NCOR1: variants seen among roughly 807,000 people sequenced by gnomAD.
NCOR1 encodes the protein protein phosphatase 1, regulatory subunit 109.
In NCOR1, 63 loss-of-function variants were observed where a neutral mutation model predicts 288.1. That is an observed-to-expected ratio of 0.22 (90% CI 0.18 to 0.27). The LOEUF (loss-of-function observed/expected upper bound fraction) is 0.27, where lower values mean the gene tolerates loss of function less well. Among genes scored for constraint, NCOR1 ranks in the 10% least tolerant of loss-of-function variants. NCOR1 has a pLI of 1.00. For synonymous variants in NCOR1, 1,007 were observed against 1,065.9 expected, an observed-to-expected ratio of 0.94 and a Z score of 1.08; for missense variants, 2,397 against 3,019.2, an observed-to-expected ratio of 0.79 and a Z score of 4.83.
chr17:16,044,866 C>G (rs2058397319), intron 42 of NCOR1: 1 of 793,430 alleles, frequency 1.3e-6, no homozygotes, highest in African/African-American at 1.7e-5. Flanking sequence ...CCTGCCCACT[C>G]CACTGCTGCT....
At chr17:16,138,001 T>C (rs1395755225) in intron 13 of NCOR1, 157 bp downstream of exon 13, 1 of 567,694 alleles carries the variant, frequency 1.8e-6, no homozygotes, top group African/African-American at 1.9e-5. Context: ...ACGATTTCTC[T>C]AATAATTGTA....
intron 27 of NCOR1, among the ~76,000 whole-genome samples, chr17:16,074,403 T>C (rs147054540): frequency 2.0e-5 from 3 of 152,248 alleles, no homozygotes; most frequent in African/African-American, 4.8e-5. Context: ...TTCTAGACAC[T>C]TTAGGAAAAT....
At chr17:16,173,950 A>G (rs915856091) in intron 3 of NCOR1, among the ~76,000 whole-genome samples, 1 of 152,082 alleles carries the variant, frequency 6.6e-6, no homozygotes, top group African/African-American at 2.4e-5. Context: ...AAAGCAATAC[A>G]TTTATAAGAG....
At chr17:16,094,397 CTTA>C (rs2065952697) in intron 21 of NCOR1, among the ~76,000 whole-genome samples, 1 of 152,132 alleles carries the variant, frequency 6.6e-6, no homozygotes, top group Non-Finnish European at 1.5e-5. Flanking sequence ...ACTTTTACCA[CTTA>C]TTATTTGAGA....
intron 19 of NCOR1, among the ~76,000 whole-genome samples, chr17:16,102,256 T>C (rs2067758220): frequency 1.3e-5 from 2 of 152,110 alleles, no homozygotes; most frequent in South Asian, 4.1e-4. Flanking sequence ...TAAGAAGAAA[T>C]TGGTCAAATA....
chr17:16,047,195 GCCT>G, intron 41 of NCOR1, 102 bp from the exon 42 acceptor site: 1 of 1,203,556 alleles, frequency 8.3e-7, no homozygotes, highest in South Asian at 1.6e-5. Context: ...GAAAACTACT[GCCT>G]CCTCATCCTG....
intron 4 of NCOR1, among the ~76,000 whole-genome samples, chr17:16,170,473 T>C (rs1330304961): frequency 1.3e-5 from 2 of 152,188 alleles, no homozygotes; most frequent in Admixed American, 6.5e-5. Flanking sequence ...AAATATTTAT[T>C]CTGTATCTAC....
intron 1 of NCOR1, among the ~76,000 whole-genome samples, chr17:16,213,369 T>C (rs1386992363): frequency 6.6e-6 from 1 of 151,030 alleles, no homozygotes; most frequent in African/African-American, 2.4e-5. Flanking sequence ...GGCACGCGCC[T>C]GTAGTCCCAG....
rs758848945 is a variant in NCOR1 at position 16,098,425 on chromosome 17, T to C, written c.2762A>G (p.Lys921Arg). Reference sequence around the variant, plus strand: ...CTGTGGCAGATCCAGTGGATTTGGTTTTAACGGAGATGAGACGAGTATAGA... The same window carrying C: ...CTGTGGCAGATCCAGTGGATTTGGTCTTAACGGAGATGAGACGAGTATAGA... The part of the protein sequence containing the change: ...TGSILVSSPL[K>R]PNPLDLPQLQ... The change falls in exon 21 of 46, where the codon AAA (lysine) becomes AGA (arginine). Residue 921 changes from lysine (K) to arginine (R), a missense_variant. Coordinates refer to ENST00000268712, the MANE Select transcript of NCOR1 (RefSeq NM_006311.4). 1.2e-6 allele frequency: 2 copies of C among 1,613,980 alleles called. No individual in the cohort carries two copies. The highest frequency in any genetic ancestry group is 2.7e-5 in the African/African-American group (2 of 74,926).
At position 16,032,117 on chromosome 17, in the gene NCOR1, T is replaced by C. The variant is rs1047394863; in HGVS notation, c.*179A>G. ...TCAAAGGCAGTTTTTTGTTTGTTTT[T>C]TTCCCATTTGACTCTCCAAATGAAC... On this transcript the variant is annotated 3_prime_UTR_variant, in exon 46 of 46. Transcript: ENST00000268712. The C allele has an allele frequency of 8.0e-6, 5 of 621,438 alleles. No homozygotes were observed. Among genetic ancestry groups the C allele is most frequent in the Middle Eastern group, 4.3e-4 (1 of 2,300 alleles). The allele number at this position is 621,438 out of a possible 1,614,324, so 38.5% of individuals were successfully genotyped here.
rs562260255 is a variant in NCOR1 at position 16,080,612 on chromosome 17, T to A, written c.3293A>T (p.Lys1098Ile). The A allele has an allele frequency of 1.2e-6, 2 of 1,614,158 alleles. No individual in the cohort carries two copies. The highest frequency in any genetic ancestry group is 1.7e-6 in the Non-Finnish European group (2 of 1,180,002). ...GACTGTATTAACTCACTGACCTGAT[T>A]TGGCAGATTCCTGTTGCCGTGGCAG... Reference protein sequence around the residue: ...LGLPRQQESAKSATLPYIKQE... With the variant: ...LGLPRQQESAISATLPYIKQE... Residue 1098 changes from lysine (K) to isoleucine (I), a missense_variant, in exon 24 of 46, where the codon AAA becomes ATA. Coordinates refer to ENST00000268712, the MANE Select transcript of NCOR1 (RefSeq NM_006311.4).
intron 10 of NCOR1, among the ~76,000 whole-genome samples, chr17:16,145,270 C>T (rs1285632065): frequency 3.3e-5 from 5 of 152,268 alleles, no homozygotes; most frequent in African/African-American, 1.2e-4. Flanking sequence ...TCCCAGCCGC[C>T]TGCCTTGGCC....
intron 1 of NCOR1, among the ~76,000 whole-genome samples, chr17:16,200,126 C>T (rs1344826225): frequency 6.6e-6 from 1 of 151,952 alleles, no homozygotes; most frequent in Non-Finnish European, 1.5e-5. Flanking sequence ...GCTTTTGGCC[C>T]ACAATTTTTG....
rs115414484 is a variant in NCOR1 at position 16,122,196 on chromosome 17, C to T, written c.1635-927G>A. Among the ~76,000 whole-genome samples, 899 of 152,290 alleles carry T rather than the reference C, an allele frequency of 5.9e-3. 9 individuals carry two copies. The highest frequency in any genetic ancestry group is 0.021 in the African/African-American group (857 of 41,562). On this transcript the variant is annotated intron_variant, in intron 15 of 45. Transcript: ENST00000268712. ...GGAAGACCATTTTCTGTACTACTTA[C>T]CTCCCATGGTTGTTATATTTAAGGA...
Position 16,061,836 on chromosome 17 carries a change from T to C in NCOR1, c.5446A>G (p.Thr1816Ala), listed in dbSNP as rs1189570304. The C allele has an allele frequency of 1.2e-5, 20 of 1,614,006 alleles. No homozygotes were observed. The highest frequency in any genetic ancestry group is 1.5e-5 in the Non-Finnish European group (18 of 1,179,998). ...AGAGCAGCCAGGGCATCCGCAGCAG[T>C]GTTGTAACGGGAGGCTGGCAGGCCT... is the stretch of plus-strand genomic sequence containing the variant. ...SQGLPASRYN[T>A]AADALAALVD... Residue 1816 changes from threonine (T) to alanine (A), a missense_variant, in exon 37 of 46, where the codon ACT becomes GCT. Physicochemically the swap from Thr to Ala is moderately conservative, Grantham distance 58. Transcript: ENST00000268712.
At chr17:16,153,275 C>T (rs2079153806) in intron 7 of NCOR1, 64 bp downstream of exon 7, 8 of 1,176,090 alleles carry the variant, frequency 6.8e-6, no homozygotes, top group Non-Finnish European at 1.2e-6. Context: ...TCCATCTTAT[C>T]CCAAGAAAAA....
At chr17:16,138,080 T>C (rs928377810) in intron 13 of NCOR1, 78 bp downstream of exon 13, 28 of 1,172,886 alleles carry the variant, frequency 2.4e-5, no homozygotes, top group Admixed American at 5.8e-5. Context: ...TAACTACTTA[T>C]ATGTGTCAGA....
chr17:16,194,395 TA>T (rs2089311567), intron 2 of NCOR1, 66 bp downstream of exon 2: 2 of 1,055,146 alleles, frequency 1.9e-6, no homozygotes, highest in African/African-American at 3.2e-5. Context: ...CCCACATGTG[TA>T]TTAAATAGGA....
chr17:16,083,444 C>T (rs966968843), intron 23 of NCOR1, among the ~76,000 whole-genome samples: 1 of 151,554 alleles, frequency 6.6e-6, no homozygotes, highest in Admixed American at 6.6e-5. Flanking sequence ...AAAGTGAAAA[C>T]TTTAAAGCGC....
Sources: allele counts gnomAD v4.1 joint callset (sites outside exome capture counted in the v4.1 genomes callset), GRCh38; gene constraint gnomAD v4.1.1; transcripts MANE v1.5; gene names NCBI Gene and HGNC (gene_info 2026-07-23, HGNC 2026-07-21).